The following ALMS1 variants were observed in gnomAD, a reference collection of about 807,000 sequenced individuals.
The protein encoded by ALMS1 is ALMS1 centrosome and basal body associated protein, also known as centrosome-associated protein ALMS1.
A neutral mutation model predicts 352.2 loss-of-function variants in ALMS1; 271 were observed. That is an observed-to-expected ratio of 0.77 (90% CI 0.70 to 0.85). The LOEUF (loss-of-function observed/expected upper bound fraction) is 0.85, where lower values mean the gene tolerates loss of function less well. Among genes scored for constraint, ALMS1 ranks in the 40% least tolerant of loss-of-function variants. The pLI is 0.00. For synonymous variants in ALMS1, 1,865 were observed against 1,761.2 expected, an observed-to-expected ratio of 1.06 and a Z score of -1.48; for missense variants, 5,445 against 4,870.7, an observed-to-expected ratio of 1.12 and a Z score of -3.51.
At chr2:73,501,860 T>G (rs1673225549) in intron 10 of ALMS1, among the ~76,000 whole-genome samples, 2 of 152,154 alleles carry the variant, frequency 1.3e-5, no homozygotes, top group Non-Finnish European at 2.9e-5. Flanking sequence ...TTTTGTAGAT[T>G]GACATTTGAA....
In ALMS1 at chr2:73,572,662, T is replaced by A. The variant is rs776445965; in HGVS notation, c.10785T>A (p.Thr3595=). The part of the protein sequence containing the change: ...KVTPEQTTQH[T]VSLNELWNKY... ...CCCCAGAGCAAACAACTCAGCACAC[T>A]GTGAGTTTGAATGAACTGTGGAACA... Residue 3595 remains threonine (T), a synonymous_variant, in exon 16 of 23, where the codon ACT becomes ACA. Coordinates refer to ENST00000613296, the MANE Select transcript of ALMS1 (RefSeq NM_001378454.1). 6.2e-7 allele frequency: 1 copy of A among 1,613,974 alleles called. No homozygotes were observed. The highest frequency in any genetic ancestry group is 2.2e-5 in the East Asian group (1 of 44,876).
chr2:73,443,936 G>A (rs139905116), intron 7 of ALMS1, among the ~76,000 whole-genome samples: 4 of 152,256 alleles, frequency 2.6e-5, no homozygotes, highest in African/African-American at 9.6e-5. Context: ...CTGTCTCTGT[G>A]ACTTGAATGG....
chr2:73,451,607 G>C lies in ALMS1; in HGVS notation c.5080G>C (p.Val1694Leu). The change falls in exon 8 of 23, where the codon GTT becomes CTT. Residue 1694 changes from valine (V) to leucine (L), a missense_variant. Val to Leu is a conservative substitution (Grantham distance 32). Transcript: ENST00000613296. Reference sequence around the variant, plus strand: ...TGAAGAAGCTCTGAAAGTTCCACCTGTTCCTGGACCAGATGCCCAGAAGAC... The same window carrying C: ...TGAAGAAGCTCTGAAAGTTCCACCTCTTCCTGGACCAGATGCCCAGAAGAC... ...LPEEALKVPP[V>L]PGPDAQKTET... 6.2e-7 allele frequency: 1 copy of C among 1,614,090 alleles called. No homozygotes were observed. The highest frequency in any genetic ancestry group is 8.5e-7 in the Non-Finnish European group (1 of 1,179,998).
chr2:73,400,312 A>G (rs1006548206), intron 1 of ALMS1, among the ~76,000 whole-genome samples: 2 of 152,214 alleles, frequency 1.3e-5, no homozygotes, highest in Admixed American at 6.5e-5. Context: ...CATGATGTAC[A>G]ATACTTTTGT....
chr2:73,395,054 A>G (rs142710146), intron 1 of ALMS1, among the ~76,000 whole-genome samples: 9,171 of 102,714 alleles, frequency 0.089, 483 homozygotes, highest in Non-Finnish European at 0.12. Flanking sequence ...GTATATATAT[A>G]TATGTGTATA....
chr2:73,554,757 GT>G (rs1300248094), intron 13 of ALMS1, among the ~76,000 whole-genome samples: 1 of 152,016 alleles, frequency 6.6e-6, no homozygotes, highest in East Asian at 1.9e-4. Flanking sequence ...GAGCGTGTAA[GT>G]TTCTAGCCAG....
chr2:73,499,000 G>GT (rs943432142), intron 10 of ALMS1, among the ~76,000 whole-genome samples: 7 of 152,018 alleles, frequency 4.6e-5, no homozygotes, highest in African/African-American at 1.4e-4. Flanking sequence ...TCAGTTTTTA[G>GT]TTTTTTTAAG....
chr2:73,398,957 C>A (rs1235449335), intron 1 of ALMS1, among the ~76,000 whole-genome samples: 1 of 152,154 alleles, frequency 6.6e-6, no homozygotes, highest in African/African-American at 2.4e-5. Context: ...GATTCTCCTG[C>A]CTCAGCCTTC....
chr2:73,556,857 G>A (rs756845132), intron 13 of ALMS1, among the ~76,000 whole-genome samples: 3 of 151,770 alleles, frequency 2.0e-5, no homozygotes, highest in Non-Finnish European at 4.4e-5. Flanking sequence ...CGTGCACCAC[G>A]ACGCCTGCTA....
chr2:73,400,069 C>G (rs1046171528), intron 1 of ALMS1, among the ~76,000 whole-genome samples: 2 of 151,604 alleles, frequency 1.3e-5, no homozygotes, highest in Admixed American at 6.6e-5. Context: ...TCCTGAGTAA[C>G]TGGGACCACA....
At position 73,607,149 on chromosome 2, in the gene ALMS1, AAC is replaced by A. The variant is rs149529911; in HGVS notation, c.12363-1319_12363-1318del. 2.6e-5 allele frequency among the ~76,000 whole-genome samples: 4 copies of A among 152,360 alleles called. 1 individual carries two copies. The highest frequency in any genetic ancestry group is 4.4e-5 in the Non-Finnish European group (3 of 68,034). On this transcript the variant is annotated intron_variant, in intron 21 of 22. Coordinates refer to ENST00000613296, the MANE Select transcript of ALMS1 (RefSeq NM_001378454.1). ...GTGGGAATTTTGCAGAGACCTGCAT[AAC>A]ACACACTTTTTTCCCTCAAATTGTT...
chr2:73,515,090 G>A (rs988511987), intron 10 of ALMS1, among the ~76,000 whole-genome samples: 1 of 152,106 alleles, frequency 6.6e-6, no homozygotes, highest in African/African-American at 2.4e-5. Context: ...TTATATGACT[G>A]TGCCCCGTGA....
At chr2:73,420,109 G>C in intron 3 of ALMS1, among the ~76,000 whole-genome samples, 1 of 152,210 alleles carries the variant, frequency 6.6e-6, no homozygotes, top group East Asian at 1.9e-4. Flanking sequence ...ATAGACAAAA[G>C]AGAAGACTTT....
Position 73,490,738 on chromosome 2 carries a change from C to T in ALMS1, c.8779C>T (p.Arg2927Ter), listed in dbSNP as rs376244626. 8.1e-6 allele frequency: 13 copies of T among 1,613,980 alleles called. No homozygotes were observed. Among genetic ancestry groups the T allele is most frequent in the South Asian group, 4.4e-5 (4 of 91,078 alleles). The change falls in exon 10 of 23, where the codon CGA (arginine) becomes TGA (stop). Residue 2927 changes from arginine to a stop codon, truncating the protein, a stop_gained. Transcript: ENST00000613296. LOFTEE classifies it high-confidence loss of function. ...TCCTTCTTGCATTTTTCTTGAACAA[C>T]GAGAACTCTTTGAACAGTGCAAAGC... ...DLPSCIFLEQ[R>*]ELFEQCKAPY...
At position 73,450,393 on chromosome 2, in the gene ALMS1, A is replaced by G. The variant is rs778866411; in HGVS notation, c.3866A>G (p.Tyr1289Cys). The G allele has an allele frequency of 1.2e-6, 2 of 1,613,190 alleles. No individual in the cohort carries two copies. The highest frequency in any genetic ancestry group is 1.1e-5 in the South Asian group (1 of 91,032). Residue 1289 changes from tyrosine (Y) to cysteine (C), a missense_variant, in exon 8 of 23, where the codon TAT becomes TGT. By Grantham distance (194) the Tyr-to-Cys change is radical. Coordinates refer to ENST00000613296, the MANE Select transcript of ALMS1 (RefSeq NM_001378454.1). The stretch of plus-strand genomic sequence containing the variant: ...GTAACCTCTACTTCCTACTCACAAT[A>G]TAGAGAGAAGCCCAGCATTTTCTAC... ...PAVTSTSYSQ[Y>C]REKPSIFYQQ... is the part of the protein sequence containing the mutation.
intron 9 of ALMS1, chr2:73,469,836 C>T (rs1260825382): frequency 1.3e-5 from 2 of 151,702 alleles, no homozygotes; most frequent in Non-Finnish European, 3.0e-5. Context: ...TTTTAACATT[C>T]TATCAACTTT....
intron 16 of ALMS1, among the ~76,000 whole-genome samples, chr2:73,583,288 A>G (rs568558389): frequency 6.6e-6 from 1 of 151,860 alleles, no homozygotes. Context: ...TTGACCTCCG[A>G]AAGTGCTGGG....
Position 73,451,940 on chromosome 2 carries a change from T to A in ALMS1, c.5413T>A (p.Ser1805Thr). 1 of 1,614,070 alleles carries A rather than the reference T, an allele frequency of 6.2e-7. No individual in the cohort carries two copies. Among genetic ancestry groups the A allele is most frequent in the South Asian group, 1.1e-5 (1 of 91,086 alleles). ...TGGGGTATCAACAGTAACCTCTACT[T>A]CCTACTCACACAGAGAGAAGCCCAT... is the stretch of plus-strand genomic sequence containing the variant. ...KTGVSTVTST[S>T]YSHREKPIVS... The change falls in exon 8 of 23, where the codon TCC (serine) becomes ACC (threonine). Residue 1805 changes from serine to threonine, a missense_variant. Transcript: ENST00000613296.
At position 73,451,258 on chromosome 2, in the gene ALMS1, G is replaced by A. The variant is rs747216050; in HGVS notation, c.4731G>A (p.Pro1577=). Residue 1577 remains proline (P), a synonymous_variant, in exon 8 of 23, where the codon CCG becomes CCA. Coordinates refer to ENST00000613296, the MANE Select transcript of ALMS1 (RefSeq NM_001378454.1). ...TSTSYSFGEK[P]IVNYKQAFPD... ...CTTCCTACTCATTTGGAGAGAAGCC[G>A]ATTGTTAACTACAAACAGGCCTTTC... The A allele has an allele frequency of 2.4e-5, 38 of 1,610,580 alleles. No homozygotes were observed. Among genetic ancestry groups the A allele is most frequent in the Admixed American group, 1.3e-4 (8 of 59,666 alleles).
Sources: allele counts gnomAD v4.1 joint callset (sites outside exome capture counted in the v4.1 genomes callset), GRCh38; gene constraint gnomAD v4.1.1; transcripts MANE v1.5; gene names NCBI Gene and HGNC (gene_info 2026-07-23, HGNC 2026-07-21).